MAST4: variants seen among roughly 807,000 people sequenced by gnomAD.
The protein encoded by MAST4 is microtubule-associated serine/threonine-protein kinase 4.
MAST4 carries 89 observed loss-of-function variants against 162.7 expected under a neutral mutation model. The ratio of observed to expected loss-of-function variants is 0.55; its 90% CI spans 0.46 to 0.65. The LOEUF (loss-of-function observed/expected upper bound fraction) is 0.65, where lower values mean the gene tolerates loss of function less well. MAST4 is among the 30% of genes least tolerant of loss of function. MAST4 has a pLI of 0.00. For missense variants in MAST4, 3,153 were observed against 3,374.0 expected, an observed-to-expected ratio of 0.93 and a Z score of 1.62; for synonymous variants, 1,479 against 1,361.1, an observed-to-expected ratio of 1.09 and a Z score of -1.91.
chr5:66,729,840 G>A (rs1488609218), intron 1 of MAST4, among the ~76,000 whole-genome samples: 1 of 152,182 alleles, frequency 6.6e-6, no homozygotes, highest in Non-Finnish European at 1.5e-5. Flanking sequence ...AAATTAATAA[G>A]TGCTGAGTTT....
At position 66,837,911 on chromosome 5, in the gene MAST4, T is replaced by A. The variant is rs1486682025; in HGVS notation, c.642+49117T>A. 3.1e-3 allele frequency among the ~76,000 whole-genome samples: 377 copies of A among 120,978 alleles called. 7 individuals carry two copies. Among genetic ancestry groups the A allele is most frequent in the African/African-American group, 0.011 (357 of 33,966 alleles). The allele number at this position is 120,978 out of a possible 152,430, so 79.4% of individuals were successfully genotyped here. Reference sequence around the variant, plus strand: ...ATATATATATTTTTTTTTTTTTTTTTTTTTTTAATGTGGAGGTGTTTGGAA... The same window carrying A: ...ATATATATATTTTTTTTTTTTTTTTATTTTTTAATGTGGAGGTGTTTGGAA... On this transcript the variant is annotated intron_variant, in intron 3 of 28. Coordinates refer to ENST00000403625, the MANE Select transcript of MAST4 (RefSeq NM_001164664.2).
At chr5:66,862,386 A>G (rs1390770021) in intron 3 of MAST4, among the ~76,000 whole-genome samples, 1 of 152,294 alleles carries the variant, frequency 6.6e-6, no homozygotes, top group Middle Eastern at 3.4e-3. Flanking sequence ...GTGGGCTGAC[A>G]TATGTGCTGC....
chr5:66,986,528 GTTTCC>G, intron 4 of MAST4: 1 of 1,508,816 alleles, frequency 6.6e-7, no homozygotes, highest in South Asian at 1.3e-5. Flanking sequence ...AGCTCATATT[GTTTCC>G]TTTCCAGTAC....
chr5:66,890,870 T>G (rs1238383882), intron 3 of MAST4, among the ~76,000 whole-genome samples: 2 of 152,156 alleles, frequency 1.3e-5, no homozygotes, highest in Non-Finnish European at 2.9e-5. Context: ...ATCTCTAAAA[T>G]GAGAATAATA....
intron 4 of MAST4, among the ~76,000 whole-genome samples, chr5:66,939,786 C>A (rs1056876743): frequency 6.6e-6 from 1 of 151,668 alleles, no homozygotes; most frequent in East Asian, 1.9e-4. Flanking sequence ...AAAGTGACTG[C>A]AATAAAACAA....
rs1769014299 is a variant in MAST4 at position 67,131,859 on chromosome 5, T to G, written c.2001T>G (p.Val667=). 6.2e-7 allele frequency: 1 copy of G among 1,613,178 alleles called. No homozygotes were observed. Among genetic ancestry groups the G allele is most frequent in the East Asian group, 2.2e-5 (1 of 44,868 alleles). ...TGAAAAACATGGGTCCTCTCCCTGT[T>G]GATATGGCCAGAATGTACTTTGCTG... ...TLMKNMGPLP[V]DMARMYFAET... is the part of the protein sequence containing the mutation. Residue 667 remains valine (V), a synonymous_variant, in exon 16 of 29, where the codon GTT becomes GTG. Transcript: ENST00000403625.
Position 67,152,767 on chromosome 5 carries a change from T to G in MAST4, c.3426T>G (p.Ile1142Met), listed in dbSNP as rs1344572304. ...SAASASPHQP[I>M]VIHSSGKNYG... ...CTTCTGCCAGTCCACATCAGCCGAT[T>G]GTGATCCACAGTTCGGGGAAGAACT... Residue 1142 changes from isoleucine (I) to methionine (M), a missense_variant, in exon 25 of 29, where the codon ATT becomes ATG. Ile to Met is a conservative substitution (Grantham distance 10, BLOSUM62 1). Transcript: ENST00000403625. 4.3e-6 allele frequency: 7 copies of G among 1,613,954 alleles called. No homozygotes were observed. The highest frequency in any genetic ancestry group is 5.9e-6 in the Non-Finnish European group (7 of 1,179,908).
At chr5:67,004,711 GGCCGA>G in intron 4 of MAST4, 1 of 373,854 alleles carries the variant, frequency 2.7e-6, no homozygotes, top group South Asian at 3.0e-5. Context: ...GTTTATAGCT[GGCCGA>G]GCCTGACTAG....
chr5:66,744,205 G>A (rs899823777), intron 1 of MAST4, among the ~76,000 whole-genome samples: 2 of 152,192 alleles, frequency 1.3e-5, no homozygotes, highest in Non-Finnish European at 2.9e-5. Context: ...GTTGCTCAGC[G>A]GTTATCTTTC....
At position 66,640,188 on chromosome 5, in the gene MAST4, T is replaced by G. The variant is rs115199682; in HGVS notation, c.363+43170T>G. Among the ~76,000 whole-genome samples the G allele has an allele frequency of 1.8e-3, 278 of 152,368 alleles. 1 individual carries two copies. The highest frequency in any genetic ancestry group is 6.2e-3 in the African/African-American group (258 of 41,580). On this transcript the variant is annotated intron_variant, in intron 1 of 28. Transcript: ENST00000403625. ...CAGTATTTTTCATCCTGTGTCTGGC[T>G]TTCTTCATTTAGCATAATGTCCTCC...
intron 4 of MAST4, among the ~76,000 whole-genome samples, chr5:67,016,980 G>A (rs1561536472): frequency 1.3e-5 from 2 of 152,148 alleles, no homozygotes; most frequent in Non-Finnish European, 2.9e-5. Context: ...TTTACTTATA[G>A]GCTTCTTTCC....
intron 1 of MAST4, among the ~76,000 whole-genome samples, chr5:66,712,263 TCAAA>T (rs1177481471): frequency 1.3e-5 from 2 of 152,232 alleles, no homozygotes; most frequent in African/African-American, 4.8e-5. Flanking sequence ...GAACATAATG[TCAAA>T]CAGTTTTCCA....
intron 1 of MAST4, among the ~76,000 whole-genome samples, chr5:66,626,895 G>A (rs1744466839): frequency 6.6e-6 from 1 of 152,050 alleles, no homozygotes; most frequent in Admixed American, 6.6e-5. Context: ...GGAAAGCTGT[G>A]GGACCAATGG....
chr5:66,986,835 C>T (rs1749565486), intron 4 of MAST4, among the ~76,000 whole-genome samples: 1 of 151,768 alleles, frequency 6.6e-6, no homozygotes, highest in Admixed American at 6.6e-5. Flanking sequence ...TGGTCTTGAC[C>T]TCCTGGCCTC....
chr5:67,103,096 T>C (rs1765208764), intron 9 of MAST4, among the ~76,000 whole-genome samples: 1 of 152,196 alleles, frequency 6.6e-6, no homozygotes, highest in African/African-American at 2.4e-5. Context: ...CCTATTAATT[T>C]AGAAGAGAAG....
At chr5:66,710,847 T>A (rs1335997264) in intron 1 of MAST4, among the ~76,000 whole-genome samples, 2 of 152,320 alleles carry the variant, frequency 1.3e-5, no homozygotes, top group South Asian at 2.1e-4. Flanking sequence ...ATGTAGCTTT[T>A]AAAAAAATTT....
In MAST4 at chr5:67,047,608, T is replaced by C. The variant is rs1277644548; in HGVS notation, c.675-6796T>C. 2.0e-5 allele frequency among the ~76,000 whole-genome samples: 3 copies of C among 152,246 alleles called. No homozygotes were observed. In the East Asian group the frequency reaches 5.8e-4, roughly 29 times the overall value. On this transcript the variant is annotated intron_variant, in intron 4 of 28. Transcript: ENST00000403625. ...TTTTACAAATTTGTTATGTTCATTT[T>C]CTGCTTTTCCCTCCAAAATGTAAGC...
intron 1 of MAST4, among the ~76,000 whole-genome samples, chr5:66,613,595 C>T (rs10051914): frequency 0.31 from 47,231 of 151,962 alleles, 7,925 homozygotes; most frequent in African/African-American, 0.43. Flanking sequence ...GTCCTTGTGG[C>T]CAGGCTGCCC....
intron 3 of MAST4, among the ~76,000 whole-genome samples, chr5:66,824,884 A>G (rs925736889): frequency 2.6e-5 from 4 of 152,224 alleles, no homozygotes; most frequent in Admixed American, 1.3e-4. Flanking sequence ...AAGATATTTT[A>G]TATCTGTATA....
Sources: gnomAD v4.1 joint callset for allele counts (sites outside exome capture counted in the v4.1 genomes callset) on GRCh38, gnomAD v4.1.1 for gene constraint, MANE v1.5 for transcripts, NCBI Gene and HGNC (gene_info 2026-07-23, HGNC 2026-07-21) for gene names.